The following PREX1 variants were observed in gnomAD, a reference collection of about 807,000 sequenced individuals.
PREX1 encodes the protein phosphatidylinositol 3,4,5-trisphosphate-dependent Rac exchanger 1 protein.
Under a neutral mutation model 198.3 loss-of-function variants are expected in PREX1, and 41 were observed. That is an observed-to-expected ratio of 0.21 (90% CI 0.16 to 0.27). The LOEUF (loss-of-function observed/expected upper bound fraction) is 0.27, where lower values mean the gene tolerates loss of function less well. Ranked by LOEUF, PREX1 falls within the 10% of genes least tolerant of loss-of-function variation. The pLI, the probability that PREX1 is intolerant of heterozygous loss-of-function variation, is 1.00. For missense variants in PREX1, 1,620 were observed against 2,200.7 expected (o/e 0.74, Z 5.28); for synonymous variants, 843 against 887.2 (o/e 0.95, Z 0.89).
chr20:48,738,430 A>T (rs953765753), intron 3 of PREX1, among the ~76,000 whole-genome samples: 1 of 152,162 alleles, frequency 6.6e-6, no homozygotes, highest in African/African-American at 2.4e-5. Context: ...TTAGCAAAGG[A>T]CAACATCCCC....
chr20:48,642,178 G>A lies in PREX1; in HGVS notation c.3765C>T (p.His1255=). 6.2e-7 allele frequency: 1 copy of A among 1,614,132 alleles called. No individual in the cohort carries two copies. The highest frequency in any genetic ancestry group is 1.1e-5 in the South Asian group (1 of 91,082). ...TGGCTATCCCCTCACCTTGTAAGCTGTGGTTCATAGGGAAATGCTTGGTCT... is the reference window on the plus strand; with the variant it reads ...TGGCTATCCCCTCACCTTGTAAGCTATGGTTCATAGGGAAATGCTTGGTCT... ...FEETKHFPMN[H]SLQEFKQKEE... The change falls in exon 29 of 40, where the codon CAC becomes CAT. Residue 1255 remains histidine, a synonymous_variant. Coordinates refer to ENST00000371941, the MANE Select transcript of PREX1 (RefSeq NM_020820.4).
chr20:48,800,945 C>T (rs373150638), intron 1 of PREX1, among the ~76,000 whole-genome samples: 21 of 152,220 alleles, frequency 1.4e-4, no homozygotes, highest in East Asian at 5.8e-4. Flanking sequence ...TGTGGGCCAC[C>T]GCACTCAGCC....
intron 6 of PREX1, among the ~76,000 whole-genome samples, chr20:48,707,139 C>A (rs1044438386): frequency 6.6e-6 from 1 of 152,244 alleles, no homozygotes; most frequent in East Asian, 1.9e-4. Flanking sequence ...AACGTTACCA[C>A]GGAAAGCCAA....
intron 5 of PREX1, among the ~76,000 whole-genome samples, chr20:48,716,101 A>G (rs1568836889): frequency 6.6e-6 from 1 of 152,182 alleles, no homozygotes; most frequent in Non-Finnish European, 1.5e-5. Context: ...AACTGAGTGC[A>G]GGGAAGAGAG....
chr20:48,838,045 C>T, the PREX1 span, among the ~76,000 whole-genome samples: 1 of 152,158 alleles, frequency 6.6e-6, no homozygotes, highest in Admixed American at 6.5e-5. Context: ...CAGTATTGAA[C>T]TACAGTGCTC....
the PREX1 span, among the ~76,000 whole-genome samples, chr20:48,883,347 CAAGAT>C: frequency 6.6e-6 from 1 of 152,056 alleles, no homozygotes. Flanking sequence ...AGCAACAAGA[CAAGAT>C]GTCTGCTCTC....
chr20:48,750,954 GA>G (rs2122794962), intron 1 of PREX1, among the ~76,000 whole-genome samples: 1 of 152,288 alleles, frequency 6.6e-6, no homozygotes, highest in East Asian at 1.9e-4. Flanking sequence ...CTTCCCAGTG[GA>G]ATCATAGGAA....
chr20:48,862,807 A>ATATATATATATATATATGTGTGTG, the PREX1 span, among the ~76,000 whole-genome samples: 68 of 126,598 alleles, frequency 5.4e-4, no homozygotes, highest in Non-Finnish European at 7.4e-4. Flanking sequence ...ATATATATAT[A>ATATATATATATATATATGTGTGTG]TATATACTAA....
At chr20:48,677,630 A>G (rs2089718791) in intron 13 of PREX1, among the ~76,000 whole-genome samples, 1 of 152,234 alleles carries the variant, frequency 6.6e-6, no homozygotes, top group South Asian at 2.1e-4. Flanking sequence ...ACATTCACTG[A>G]CAAGCTTTTA....
chr20:48,796,863 T>C (rs1327236038), intron 1 of PREX1, among the ~76,000 whole-genome samples: 1 of 151,746 alleles, frequency 6.6e-6, no homozygotes. Context: ...TCATATACTA[T>C]ATAATTCCAT....
chr20:48,648,909 A>G (rs555947597), intron 25 of PREX1, among the ~76,000 whole-genome samples: 1 of 151,680 alleles, frequency 6.6e-6, no homozygotes, highest in South Asian at 2.1e-4. Flanking sequence ...CTGTTGTATT[A>G]CAGCAAAAGG....
chr20:48,744,033 T>A (rs773031237), intron 3 of PREX1, among the ~76,000 whole-genome samples: 1 of 140,638 alleles, frequency 7.1e-6, no homozygotes, highest in African/African-American at 2.6e-5. Flanking sequence ...ATGATGATGA[T>A]GAGTTAACAG....
intron 5 of PREX1, among the ~76,000 whole-genome samples, chr20:48,714,589 T>C (rs1160102428): frequency 6.6e-6 from 1 of 152,180 alleles, no homozygotes; most frequent in Non-Finnish European, 1.5e-5. Context: ...GGAATAGCTA[T>C]AATCCAAAAC....
intron 1 of PREX1, among the ~76,000 whole-genome samples, chr20:48,804,709 AC>A (rs2090403751): frequency 6.6e-6 from 1 of 152,180 alleles, no homozygotes; most frequent in Non-Finnish European, 1.5e-5. Flanking sequence ...CCAGCAGGAG[AC>A]CATGGTGGCT....
chr20:48,797,640 G>A (rs2090369105), intron 1 of PREX1, among the ~76,000 whole-genome samples: 1 of 151,994 alleles, frequency 6.6e-6, no homozygotes. Flanking sequence ...CGACACCCCC[G>A]TCGGTCCCCG....
intron 20 of PREX1, among the ~76,000 whole-genome samples, chr20:48,653,123 C>T (rs1443460956): frequency 6.6e-6 from 1 of 152,194 alleles, no homozygotes; most frequent in African/African-American, 2.4e-5. Flanking sequence ...GGTCTGGTCA[C>T]ACCCATTTCA....
the PREX1 span, among the ~76,000 whole-genome samples, chr20:48,854,247 C>T: frequency 6.6e-6 from 1 of 152,206 alleles, no homozygotes; most frequent in Non-Finnish European, 1.5e-5. Flanking sequence ...AATTTCACCT[C>T]CAGGGGAGGA....
intron 14 of PREX1, among the ~76,000 whole-genome samples, chr20:48,671,011 C>T (rs1320628636): frequency 6.6e-6 from 1 of 152,240 alleles, no homozygotes; most frequent in South Asian, 2.1e-4. Context: ...GTCTCTCCAA[C>T]GGCCAATGCC....
chr20:48,627,839 C>T (rs1277535886), intron 38 of PREX1, 22 bp downstream of exon 38: 2 of 1,605,104 alleles, frequency 1.2e-6, no homozygotes, highest in South Asian at 1.1e-5. Context: ...TGCTGGAGGA[C>T]CCTGTGGCCA....
Sources: gnomAD v4.1 joint callset for allele counts (sites outside exome capture counted in the v4.1 genomes callset) on GRCh38, gnomAD v4.1.1 for gene constraint, MANE v1.5 for transcripts, NCBI Gene and HGNC (gene_info 2026-07-23, HGNC 2026-07-21) for gene names.